The following SCFD1 variants were observed in gnomAD, a reference collection of about 807,000 sequenced individuals.
The protein encoded by SCFD1 is sec1 family domain-containing protein 1.
SCFD1 carries 37 observed loss-of-function variants against 103.2 expected under a neutral mutation model. The ratio of observed to expected loss-of-function variants is 0.36; its 90% CI spans 0.28 to 0.47. The LOEUF is 0.47. Among genes scored for constraint, SCFD1 ranks in the 20% least tolerant of loss-of-function variants. The pLI is 1.00. For missense variants in SCFD1, 639 were observed against 761.2 expected (o/e 0.84, Z 1.89); for synonymous variants, 264 against 245.0 (o/e 1.08, Z -0.73).
intron 1 of SCFD1, among the ~76,000 whole-genome samples, chr14:30,627,764 A>AG (rs1393119936): frequency 3.0e-5 from 4 of 133,956 alleles, no homozygotes; most frequent in African/African-American, 9.4e-5. Context: ...AAAAAAAAAA[A>AG]AAAGAAAGAC....
intron 7 of SCFD1, among the ~76,000 whole-genome samples, chr14:30,643,667 C>T (rs1182301432): frequency 6.6e-6 from 1 of 152,052 alleles, no homozygotes; most frequent in East Asian, 1.9e-4. Flanking sequence ...ATTTGAATGG[C>T]TTGGTGGTGA....
intron 3 of SCFD1, among the ~76,000 whole-genome samples, chr14:30,632,046 G>GAA (rs61645782): frequency 3.1e-4 from 22 of 70,264 alleles, no homozygotes; most frequent in African/African-American, 8.9e-4. Context: ...AGATTCTGTT[G>GAA]AAAAAAAAAA....
Position 30,694,844 on chromosome 14 carries a change from T to C in SCFD1, c.1314T>C (p.Leu438=). The C allele has an allele frequency of 6.3e-7, 1 of 1,589,332 alleles. No homozygotes were observed. The highest frequency in any genetic ancestry group is 2.3e-5 in the East Asian group (1 of 43,924). Reference sequence around the variant, plus strand: ...GCAAAACTACTCTGGATAAATCTCTTCTAGATATAATATCAGACCCTGATG... The same window carrying C: ...GCAAAACTACTCTGGATAAATCTCTCCTAGATATAATATCAGACCCTGATG... The part of the protein sequence containing the change: ...IMSKTTLDKS[L]LDIISDPDAG... The change falls in exon 15 of 25, where the codon CTT becomes CTC. Residue 438 remains leucine, a synonymous_variant. Transcript: ENST00000458591.
chr14:30,691,364 A>T (rs1330067736), intron 14 of SCFD1, among the ~76,000 whole-genome samples: 1 of 152,170 alleles, frequency 6.6e-6, no homozygotes, highest in Non-Finnish European at 1.5e-5. Flanking sequence ...TATCTATTTT[A>T]TGTTTAGGGT....
intron 19 of SCFD1, among the ~76,000 whole-genome samples, chr14:30,709,075 G>T (rs1159159192): frequency 6.6e-6 from 1 of 151,780 alleles, no homozygotes; most frequent in African/African-American, 2.4e-5. Context: ...AATATTTTAA[G>T]GCAAAACTGA....
intron 10 of SCFD1, among the ~76,000 whole-genome samples, chr14:30,660,779 C>T (rs1435301696): frequency 2.0e-5 from 3 of 152,096 alleles, no homozygotes; most frequent in African/African-American, 7.2e-5. Flanking sequence ...GATGTTTTTA[C>T]ACTATTACAG....
chr14:30,714,410 T>A (rs1190193380), intron 19 of SCFD1, among the ~76,000 whole-genome samples: 3 of 150,922 alleles, frequency 2.0e-5, no homozygotes, highest in Non-Finnish European at 3.0e-5. Flanking sequence ...AAAAAAAAAA[T>A]TCTGAATAGT....
At chr14:30,682,264 T>C (rs1348183261) in intron 14 of SCFD1, among the ~76,000 whole-genome samples, 1 of 152,206 alleles carries the variant, frequency 6.6e-6, no homozygotes, top group Non-Finnish European at 1.5e-5. Flanking sequence ...CCCATCTGTG[T>C]ACAGAAGAGA....
intron 3 of SCFD1, 162 bp downstream of exon 3, chr14:30,630,727 G>T (rs1884024118): frequency 1.9e-6 from 1 of 533,436 alleles, no homozygotes; most frequent in Non-Finnish European, 3.2e-6. Flanking sequence ...TCAGTCTGAG[G>T]CTTTATAATT....
At chr14:30,661,851 C>G (rs1173452366) in intron 10 of SCFD1, among the ~76,000 whole-genome samples, 1 of 152,094 alleles carries the variant, frequency 6.6e-6, no homozygotes, top group Admixed American at 6.6e-5. Context: ...TCACATAATG[C>G]TTTAATTTTC....
chr14:30,670,001 C>A, intron 10 of SCFD1: 1 of 319,562 alleles, frequency 3.1e-6, no homozygotes. Flanking sequence ...TTATATGCAT[C>A]AATGTTTTTC....
chr14:30,709,416 A>C (rs963569543), intron 19 of SCFD1, among the ~76,000 whole-genome samples: 1 of 152,096 alleles, frequency 6.6e-6, no homozygotes, highest in Non-Finnish European at 1.5e-5. Flanking sequence ...TATATTTTGT[A>C]GAGATGGGGT....
rs147527858 is a variant in SCFD1 at position 30,638,789 on chromosome 14, C to A, written c.435+542C>A. Reference sequence around the variant, plus strand: ...GTCAGGTTCAGCTTCAGTTATAAATCAATTTGTAAAATATATTTCAGGTTA... The same window carrying A: ...GTCAGGTTCAGCTTCAGTTATAAATAAATTTGTAAAATATATTTCAGGTTA... On this transcript the variant is annotated intron_variant, in intron 5 of 24. Coordinates refer to ENST00000458591, the MANE Select transcript of SCFD1 (RefSeq NM_016106.4). Among the ~76,000 whole-genome samples the A allele has an allele frequency of 3.0e-4, 46 of 152,276 alleles. No individual in the cohort carries two copies. The East Asian group carries it at 8.9e-3, about 29-fold the overall frequency.
chr14:30,694,749 C>T (rs1890576321), intron 14 of SCFD1, 24 bp from the exon 15 acceptor site: 2 of 1,567,336 alleles, frequency 1.3e-6, no homozygotes, highest in Admixed American at 2.2e-5. Context: ...AATATATTCT[C>T]ATCTAATGTT....
intron 1 of SCFD1, among the ~76,000 whole-genome samples, chr14:30,623,075 T>G (rs1052385172): frequency 2.6e-5 from 4 of 152,248 alleles, no homozygotes; most frequent in African/African-American, 9.6e-5. Context: ...TCTTGAGTTT[T>G]GGGTTTTTTT....
intron 14 of SCFD1, chr14:30,683,289 ATAG>A (rs1159063621): frequency 1.1e-6 from 1 of 877,428 alleles, no homozygotes; most frequent in Non-Finnish European, 1.7e-6. Flanking sequence ...CCACACTGGG[ATAG>A]TAGCAGGGTG....
intron 14 of SCFD1, among the ~76,000 whole-genome samples, chr14:30,690,577 G>C (rs1375960706): frequency 7.8e-6 from 1 of 128,776 alleles, no homozygotes; most frequent in Non-Finnish European, 1.6e-5. Context: ...CGATTTTCCA[G>C]GTGCGTCCGT....
intron 1 of SCFD1, among the ~76,000 whole-genome samples, chr14:30,625,853 TTGC>T (rs1883378965): frequency 6.6e-6 from 1 of 152,076 alleles, no homozygotes; most frequent in African/African-American, 2.4e-5. Flanking sequence ...ATTATCTTAT[TTGC>T]TGCTGCTGGC....
At chr14:30,712,132 C>A (rs1891926626) in intron 19 of SCFD1, among the ~76,000 whole-genome samples, 1 of 152,134 alleles carries the variant, frequency 6.6e-6, no homozygotes, top group African/African-American at 2.4e-5. Flanking sequence ...ACTTCACTGG[C>A]AACTTTCCAC....
Sources: gnomAD v4.1 joint callset for allele counts (sites outside exome capture counted in the v4.1 genomes callset) on GRCh38, gnomAD v4.1.1 for gene constraint, MANE v1.5 for transcripts, NCBI Gene and HGNC (gene_info 2026-07-23, HGNC 2026-07-21) for gene names.